SCN8A: variants seen among roughly 807,000 people sequenced by gnomAD.
The protein encoded by SCN8A is sodium channel protein type 8 subunit alpha.
SCN8A carries 30 observed loss-of-function variants against 184.1 expected under a neutral mutation model. The ratio of observed to expected loss-of-function variants is 0.16; its 90% CI spans 0.12 to 0.22. SCN8A has a LOEUF of 0.22. SCN8A is among the 10% of genes least tolerant of loss of function. The pLI is 1.00. For missense variants in SCN8A, 1,057 were observed against 2,498.9 expected, an observed-to-expected ratio of 0.42 and a Z score of 12.30; for synonymous variants, 852 against 907.0, an observed-to-expected ratio of 0.94 and a Z score of 1.09.
At chr12:51,606,073 C>A (rs865792841) in intron 1 of SCN8A, among the ~76,000 whole-genome samples, 2 of 152,114 alleles carry the variant, frequency 1.3e-5, no homozygotes, top group Non-Finnish European at 1.5e-5. Context: ...TTCCTTGTGC[C>A]GTGCAAAAGC....
intron 20 of SCN8A, among the ~76,000 whole-genome samples, chr12:51,777,218 T>C (rs532616242): frequency 6.6e-6 from 1 of 152,296 alleles, no homozygotes; most frequent in African/African-American, 2.4e-5. Flanking sequence ...TCCCCCTTTT[T>C]TTCCAGCCTG....
At chr12:51,768,238 C>G (rs893584111) in intron 16 of SCN8A, 3 of 152,038 alleles carry the variant, frequency 2.0e-5, no homozygotes, top group Non-Finnish European at 4.4e-5. Flanking sequence ...GAGATTAAAA[C>G]AAAAATAAAT....
intron 1 of SCN8A, among the ~76,000 whole-genome samples, chr12:51,601,614 TATTA>T (rs1347171476): frequency 6.6e-6 from 1 of 152,166 alleles, no homozygotes; most frequent in African/African-American, 2.4e-5. Flanking sequence ...AAAGATTTGC[TATTA>T]ATTAGATATG....
At chr12:51,652,582 C>T (rs1940739749) in intron 1 of SCN8A, among the ~76,000 whole-genome samples, 1 of 152,166 alleles carries the variant, frequency 6.6e-6, no homozygotes, top group African/African-American at 2.4e-5. Flanking sequence ...TTTCTGAAAT[C>T]CACTTACACT....
At chr12:51,786,118 G>A (rs1002845673) in intron 21 of SCN8A, among the ~76,000 whole-genome samples, 10 of 152,146 alleles carry the variant, frequency 6.6e-5, no homozygotes, top group Admixed American at 3.3e-4. Flanking sequence ...AGTTCTCTGT[G>A]ATTTTGAACA....
chr12:51,743,425 A>T (rs1592138850), intron 12 of SCN8A, among the ~76,000 whole-genome samples: 1 of 152,222 alleles, frequency 6.6e-6, no homozygotes, highest in Non-Finnish European at 1.5e-5. Context: ...TTGCAGATTC[A>T]TAGAAATACC....
chr12:51,776,838 T>C (rs1177898693), intron 20 of SCN8A, among the ~76,000 whole-genome samples: 1 of 152,230 alleles, frequency 6.6e-6, no homozygotes, highest in Non-Finnish European at 1.5e-5. Context: ...CTCATCGCAT[T>C]TGTTTCCCTA....
intron 16 of SCN8A, among the ~76,000 whole-genome samples, chr12:51,766,786 T>C (rs892572800): frequency 1.3e-5 from 2 of 152,264 alleles, no homozygotes; most frequent in East Asian, 3.9e-4. Context: ...AATGCAGAAT[T>C]CTAGGCCCCA....
chr12:51,762,376 C>T, intron 14 of SCN8A, 127 bp from the exon 15 acceptor site: 1 of 869,586 alleles, frequency 1.1e-6, no homozygotes, highest in Non-Finnish European at 1.8e-6. Context: ...GTATTGATAT[C>T]TTCAGATGCA....
intron 20 of SCN8A, 59 bp from the exon 21 acceptor site, chr12:51,780,565 CTTTTTTTTTTTTTTTTTTTTTTTTT>C (rs528514747): frequency 1.8e-4 from 55 of 297,804 alleles, no homozygotes; most frequent in South Asian, 1.7e-3. Flanking sequence ...TGTTTTCTTT[CTTTTTTTTTTTTTTTTTTTTTTTTT>C]TTTTTTTTTT....
At position 51,792,058 on chromosome 12, in the gene SCN8A, ATAAG is replaced by A. The variant is rs971254701; in HGVS notation, c.4524+1561_4524+1564del. Among the ~76,000 whole-genome samples, 20 of 152,264 alleles carry A rather than the reference ATAAG, an allele frequency of 1.3e-4. 1 individual carries two copies. The East Asian group carries it at 2.5e-3, about 19-fold the overall frequency. ...TAATAGTTGGGGAGATAGATAATAAATAAGTAAGCAAACAGCTACAATAAAATGT... is the reference window on the plus strand; with the variant it reads ...TAATAGTTGGGGAGATAGATAATAAATAAGCAAACAGCTACAATAAAATGT... On this transcript the variant is annotated intron_variant, in intron 25 of 26. Coordinates refer to ENST00000627620, the MANE Select transcript of SCN8A (RefSeq NM_001330260.2).
intron 21 of SCN8A, 31 bp downstream of exon 21, chr12:51,780,802 C>A: frequency 6.4e-7 from 1 of 1,554,078 alleles, no homozygotes; most frequent in Non-Finnish European, 8.6e-7. Flanking sequence ...GATCCTTCTG[C>A]ATGCCAGTGG....
intron 1 of SCN8A, among the ~76,000 whole-genome samples, chr12:51,597,824 C>G (rs759875037): frequency 5.6e-4 from 86 of 152,250 alleles, no homozygotes; most frequent in Non-Finnish European, 6.3e-4. Flanking sequence ...ATATATTTAG[C>G]TCCTTGTTTC....
chr12:51,600,585 G>T lies in SCN8A; in HGVS notation c.-55+9226G>T, dbSNP rs567826797. Among the ~76,000 whole-genome samples the T allele has an allele frequency of 5.7e-4, 87 of 152,254 alleles. 1 individual carries two copies. Among genetic ancestry groups the T allele is most frequent in the African/African-American group, 2.0e-3 (83 of 41,532 alleles). ...GCATGATCTTCTTGGTATAGCTGGG[G>T]TACAAGACGGTGGCCAGAGGGCCCT... On this transcript the variant is annotated intron_variant, in intron 1 of 26. Transcript: ENST00000627620.
chr12:51,742,247 A>G (rs7959233), intron 12 of SCN8A, among the ~76,000 whole-genome samples: 11,507 of 152,148 alleles, frequency 0.076, 785 homozygotes, highest in African/African-American at 0.18. Flanking sequence ...CAGTGTTACA[A>G]TATTCTGTGT....
At chr12:51,722,529 T>C (rs542331907) in intron 12 of SCN8A, 1 of 152,698 alleles carries the variant, frequency 6.5e-6, no homozygotes, top group South Asian at 2.1e-4. Flanking sequence ...TGAGATGTGC[T>C]TTTTCTAAAG....
At position 51,776,076 on chromosome 12, in the gene SCN8A, G is replaced by C. The variant is rs192743434; in HGVS notation, c.3819+1714G>C. Among the ~76,000 whole-genome samples the C allele has an allele frequency of 2.5e-3, 386 of 152,308 alleles. 3 individuals carry two copies. The highest frequency in any genetic ancestry group is 8.9e-3 in the African/African-American group (370 of 41,570). On this transcript the variant is annotated intron_variant, in intron 20 of 26. Transcript: ENST00000627620. ...GCCATCTCTGCTCACTGCAGCCTCT[G>C]CCTCCTGGGCTCACACGATCCTTGC...
intron 26 of SCN8A, among the ~76,000 whole-genome samples, chr12:51,797,308 A>G (rs1938438934): frequency 6.6e-6 from 1 of 152,262 alleles, no homozygotes; most frequent in Admixed American, 6.5e-5. Context: ...ATACGAAGTC[A>G]ACAAATCTTA....
chr12:51,777,928 G>A (rs1937760531), intron 20 of SCN8A, among the ~76,000 whole-genome samples: 1 of 152,194 alleles, frequency 6.6e-6, no homozygotes, highest in Admixed American at 6.5e-5. Context: ...TACTTATTAA[G>A]GCCTCATGAA....
Sources: allele counts gnomAD v4.1 joint callset (sites outside exome capture counted in the v4.1 genomes callset), GRCh38; gene constraint gnomAD v4.1.1; transcripts MANE v1.5; gene names NCBI Gene and HGNC (gene_info 2026-07-23, HGNC 2026-07-21).